The following ANKFN1 variants were observed in gnomAD, a reference collection of about 807,000 sequenced individuals.
ANKFN1 encodes the protein ankyrin repeat and fibronectin type-III domain-containing protein 1.
In ANKFN1, 74 loss-of-function variants were observed where a neutral mutation model predicts 108.7. The observed-to-expected ratio is 0.68, with a 90% CI of 0.56 to 0.83. The LOEUF (loss-of-function observed/expected upper bound fraction) is 0.83. Ranked by LOEUF, ANKFN1 falls within the 40% of genes least tolerant of loss-of-function variation. The probability of loss-of-function intolerance (pLI) is 0.00; values close to 1 mark genes in which losing one functional copy is unlikely to be tolerated. For synonymous variants in ANKFN1, 547 were observed against 516.2 expected, an observed-to-expected ratio of 1.06 and a Z score of -0.81; for missense variants, 1,505 against 1,382.3, an observed-to-expected ratio of 1.09 and a Z score of -1.41.
chr17:56,272,256 A>G (rs1567876770), intron 3 of ANKFN1, among the ~76,000 whole-genome samples: 1 of 152,098 alleles, frequency 6.6e-6, no homozygotes, highest in East Asian at 1.9e-4. Context: ...CTCCAGAACT[A>G]TTTTCATCTT....
chr17:56,467,806 GAAAGAAAGA>G (rs2050163988), intron 15 of ANKFN1, among the ~76,000 whole-genome samples: 10 of 35,530 alleles, frequency 2.8e-4, no homozygotes, highest in African/African-American at 8.8e-4. Context: ...AAGAAAGAAA[GAAAGAAAGA>G]AAGAAAGAAA....
intron 4 of ANKFN1, among the ~76,000 whole-genome samples, chr17:56,088,724 C>T (rs185546144): frequency 6.6e-6 from 1 of 151,362 alleles, no homozygotes; most frequent in East Asian, 1.9e-4. Context: ...TTCCTCCTTA[C>T]AGCACACACT....
At chr17:56,241,447 T>A (rs1046588902) in intron 3 of ANKFN1, among the ~76,000 whole-genome samples, 3 of 152,170 alleles carry the variant, frequency 2.0e-5, no homozygotes, top group South Asian at 2.1e-4. Flanking sequence ...ATCTCTATCA[T>A]GAACTTGCTT....
At chr17:56,128,088 T>A (rs1049657585) in intron 4 of ANKFN1, among the ~76,000 whole-genome samples, 5 of 152,192 alleles carry the variant, frequency 3.3e-5, no homozygotes, top group African/African-American at 1.2e-4. Flanking sequence ...CTTGAAGATT[T>A]CTGCTTTCAT....
chr17:56,153,658 T>A, intron 1 of ANKFN1, 128 bp downstream of exon 1: 1 of 1,280,956 alleles, frequency 7.8e-7, no homozygotes, highest in Non-Finnish European at 1.1e-6. Context: ...GCATCCATGG[T>A]CAGGCAGAGG....
upstream of ANKFN1, among the ~76,000 whole-genome samples, chr17:56,148,662 G>C (rs1191934732): frequency 6.6e-6 from 1 of 152,022 alleles, no homozygotes; most frequent in African/African-American, 2.4e-5. Flanking sequence ...GGCAAAACTT[G>C]GTAGCAGTAG....
chr17:56,286,711 C>T (rs79651613), intron 3 of ANKFN1, among the ~76,000 whole-genome samples: 2,489 of 152,206 alleles, frequency 0.016, 33 homozygotes, highest in Admixed American at 0.044. Flanking sequence ...CACCATATTA[C>T]ATTGATCAAG....
At chr17:56,347,139 C>G (rs2046126582) in intron 4 of ANKFN1, among the ~76,000 whole-genome samples, 1 of 151,166 alleles carries the variant, frequency 6.6e-6, no homozygotes, top group Non-Finnish European at 1.5e-5. Context: ...TTTCCACTTC[C>G]TATATCTGTT....
intron 3 of ANKFN1, among the ~76,000 whole-genome samples, chr17:56,265,795 G>T (rs1312850715): frequency 6.6e-6 from 1 of 152,110 alleles, no homozygotes; most frequent in Admixed American, 6.5e-5. Context: ...CAATGCAAAT[G>T]CTATATAAGT....
intron 4 of ANKFN1, among the ~76,000 whole-genome samples, chr17:56,067,816 A>G (rs1402403711): frequency 2.6e-5 from 4 of 152,210 alleles, no homozygotes; most frequent in Non-Finnish European, 5.9e-5. Context: ...CCAATAAAGC[A>G]TAAATTCAGA....
At chr17:56,378,838 G>T (rs2144800555) in intron 8 of ANKFN1, among the ~76,000 whole-genome samples, 1 of 152,184 alleles carries the variant, frequency 6.6e-6, no homozygotes, top group Non-Finnish European at 1.5e-5. Flanking sequence ...GGGGTGAGAG[G>T]ATGAAAAATG....
At chr17:56,115,553 A>G (rs1431317) in intron 4 of ANKFN1, among the ~76,000 whole-genome samples, 23,932 of 152,168 alleles carry the variant, frequency 0.16, 2,059 homozygotes, top group East Asian at 0.28. Context: ...CAAACAAAAC[A>G]GTTATAACCA....
intron 1 of ANKFN1, among the ~76,000 whole-genome samples, chr17:56,165,761 G>T (rs1910083453): frequency 6.6e-6 from 1 of 152,118 alleles, no homozygotes; most frequent in African/African-American, 2.4e-5. Flanking sequence ...TTTTCTGGAG[G>T]AAAATGTTCT....
intron 4 of ANKFN1, among the ~76,000 whole-genome samples, chr17:56,056,990 C>T (rs1023721044): frequency 2.6e-5 from 4 of 152,180 alleles, no homozygotes; most frequent in South Asian, 2.1e-4. Context: ...CTTTATCAAC[C>T]CAAGTTTATG....
intron 5 of ANKFN1, among the ~76,000 whole-genome samples, chr17:56,351,229 TA>T (rs2046239807): frequency 6.6e-6 from 1 of 151,506 alleles, no homozygotes; most frequent in Admixed American, 6.6e-5. Context: ...AAAAAATAAA[TA>T]AACCTCAAAA....
At chr17:56,326,853 A>G (rs1455739484) in intron 4 of ANKFN1, among the ~76,000 whole-genome samples, 1 of 152,088 alleles carries the variant, frequency 6.6e-6, no homozygotes, top group East Asian at 1.9e-4. Flanking sequence ...GAATGCCAGC[A>G]CTCTGTTCAT....
intron 4 of ANKFN1, among the ~76,000 whole-genome samples, chr17:56,080,679 G>A (rs1905235462): frequency 6.6e-6 from 1 of 152,212 alleles, no homozygotes; most frequent in African/African-American, 2.4e-5. Flanking sequence ...CTGAGGCCCA[G>A]AGAGCTTAAG....
At chr17:56,265,657 C>T (rs1039859515) in intron 3 of ANKFN1, among the ~76,000 whole-genome samples, 6 of 152,114 alleles carry the variant, frequency 3.9e-5, no homozygotes, top group Non-Finnish European at 7.3e-5. Flanking sequence ...GGTTCCAGGA[C>T]CCCCATGGAT....
intron 4 of ANKFN1, among the ~76,000 whole-genome samples, chr17:56,061,893 A>G (rs942674692): frequency 2.6e-5 from 4 of 152,182 alleles, no homozygotes; most frequent in African/African-American, 9.7e-5. Context: ...TTCCCTCAAC[A>G]CTGCTTTAGC....
Sources: allele counts gnomAD v4.1 joint callset (sites outside exome capture counted in the v4.1 genomes callset), GRCh38; gene constraint gnomAD v4.1.1; transcripts MANE v1.5; gene names NCBI Gene and HGNC (gene_info 2026-07-23, HGNC 2026-07-21).